The following CNTN4 variants were observed in gnomAD, a reference collection of about 807,000 sequenced individuals.
CNTN4 encodes the protein contactin 4, also known as contactin-4.
A neutral mutation model predicts 122.5 loss-of-function variants in CNTN4; 77 were observed. The ratio of observed to expected loss-of-function variants is 0.63; its 90% CI spans 0.52 to 0.76. The LOEUF is 0.76. Ranked by LOEUF, CNTN4 falls within the 30% of genes least tolerant of loss-of-function variation. The pLI is 0.00. For missense variants in CNTN4, 1,256 were observed against 1,259.1 expected (o/e 1.00, Z 0.04); for synonymous variants, 512 against 447.0 (o/e 1.15, Z -1.83).
rs1366136014 is a variant in CNTN4, at chr3:2,365,401, G to A, written c.-89+26168G>A. On this transcript the variant is annotated intron_variant, in intron 3 of 24. Transcript: ENST00000418658. ...TCCTCAACTTGACTTTCTAATTTCT[G>A]AATGAACATGTTTCCCATTACTTTC... Among the ~76,000 whole-genome samples, 3 of 152,114 alleles carry A rather than the reference G, an allele frequency of 2.0e-5. No individual in the cohort carries two copies. In the East Asian group the frequency reaches 5.8e-4, roughly 29 times the overall value.
chr3:2,171,293 T>G (rs1356794881), intron 2 of CNTN4, among the ~76,000 whole-genome samples: 1 of 152,184 alleles, frequency 6.6e-6, no homozygotes, highest in Non-Finnish European at 1.5e-5. Context: ...TGTATGGACC[T>G]GGAAAAATGC....
chr3:2,132,079 C>G (rs2034477986), intron 2 of CNTN4, among the ~76,000 whole-genome samples: 2 of 152,142 alleles, frequency 1.3e-5, no homozygotes, highest in Admixed American at 6.5e-5. Context: ...GCAGTGTCCA[C>G]CTTATTTTCT....
chr3:2,791,702 T>C (rs991512097), intron 6 of CNTN4, among the ~76,000 whole-genome samples: 6 of 152,172 alleles, frequency 3.9e-5, no homozygotes, highest in Admixed American at 2.6e-4. Context: ...TGTGTTCTTT[T>C]ACGGTTCTAG....
intron 13 of CNTN4, among the ~76,000 whole-genome samples, chr3:2,962,605 C>T (rs1286702969): frequency 6.6e-6 from 1 of 152,102 alleles, no homozygotes; most frequent in East Asian, 1.9e-4. Flanking sequence ...ATCAGGGTGC[C>T]CCTGCTGAGT....
At chr3:2,665,429 A>G (rs1407167319) in intron 4 of CNTN4, among the ~76,000 whole-genome samples, 1 of 152,164 alleles carries the variant, frequency 6.6e-6, no homozygotes, top group East Asian at 1.9e-4. Flanking sequence ...ACAACCCTTT[A>G]TAAATTTTCA....
intron 3 of CNTN4, among the ~76,000 whole-genome samples, chr3:2,345,589 C>T (rs2044370897): frequency 6.6e-6 from 1 of 152,112 alleles, no homozygotes; most frequent in Non-Finnish European, 1.5e-5. Context: ...CATGCCAGAA[C>T]ATGTATTAGG....
intron 2 of CNTN4, among the ~76,000 whole-genome samples, chr3:2,318,722 C>T (rs1438342251): frequency 6.6e-6 from 1 of 152,210 alleles, no homozygotes; most frequent in African/African-American, 2.4e-5. Flanking sequence ...TCACTCCACC[C>T]TCCACCTCCT....
At chr3:2,775,876 T>C (rs2091296064) in intron 6 of CNTN4, among the ~76,000 whole-genome samples, 1 of 152,200 alleles carries the variant, frequency 6.6e-6, no homozygotes. Flanking sequence ...TATAATATAT[T>C]CGGTGCTATA....
chr3:2,549,186 C>G (rs999827102), intron 3 of CNTN4, among the ~76,000 whole-genome samples: 1 of 152,146 alleles, frequency 6.6e-6, no homozygotes, highest in East Asian at 1.9e-4. Flanking sequence ...TTTGAATACT[C>G]TTTATTTCTT....
chr3:2,282,571 G>A (rs549084644), intron 2 of CNTN4, among the ~76,000 whole-genome samples: 1 of 152,174 alleles, frequency 6.6e-6, no homozygotes, highest in South Asian at 2.1e-4. Context: ...AATGATTTAA[G>A]CAAACAAAGC....
At chr3:2,483,097 G>T (rs1013296806) in intron 3 of CNTN4, among the ~76,000 whole-genome samples, 6 of 152,184 alleles carry the variant, frequency 3.9e-5, no homozygotes, top group African/African-American at 1.4e-4. Flanking sequence ...CAGGAGGGGT[G>T]CTATACCCTG....
intron 13 of CNTN4, among the ~76,000 whole-genome samples, chr3:2,950,300 G>T (rs915813090): frequency 6.6e-6 from 1 of 151,532 alleles, no homozygotes; most frequent in Non-Finnish European, 1.5e-5. Flanking sequence ...AACTCAGGTT[G>T]TCTGGCATCT....
chr3:2,584,348 A>C (rs2080082199), intron 4 of CNTN4, among the ~76,000 whole-genome samples: 1 of 152,088 alleles, frequency 6.6e-6, no homozygotes, highest in Non-Finnish European at 1.5e-5. Context: ...CCAGGTATCT[A>C]TTCTTCCAAG....
intron 4 of CNTN4, among the ~76,000 whole-genome samples, chr3:2,606,509 A>T (rs1249995147): frequency 2.0e-5 from 3 of 152,128 alleles, no homozygotes; most frequent in Non-Finnish European, 4.4e-5. Flanking sequence ...AAATAAAATA[A>T]CTCACAGTGA....
At chr3:2,397,926 A>G (rs1054992825) in intron 3 of CNTN4, among the ~76,000 whole-genome samples, 2 of 152,122 alleles carry the variant, frequency 1.3e-5, no homozygotes, top group African/African-American at 2.4e-5. Context: ...ATGGGGTTGA[A>G]TTTGGTCTAA....
At chr3:3,043,435 A>G (rs764349875) in intron 22 of CNTN4, among the ~76,000 whole-genome samples, 157 bp from the exon 23 acceptor site, 1 of 152,166 alleles carries the variant, frequency 6.6e-6, no homozygotes, top group Non-Finnish European at 1.5e-5. Flanking sequence ...TCCATTTGCA[A>G]TGCTGTATCT....
chr3:2,548,899 G>C (rs1030518869), intron 3 of CNTN4, among the ~76,000 whole-genome samples: 1 of 152,072 alleles, frequency 6.6e-6, no homozygotes, highest in African/African-American at 2.4e-5. Context: ...TGCATCCCTT[G>C]TAAGGTGTAT....
At chr3:2,701,361 C>G (rs891552709) in intron 4 of CNTN4, among the ~76,000 whole-genome samples, 42 of 152,212 alleles carry the variant, frequency 2.8e-4, no homozygotes, top group Non-Finnish European at 5.9e-5. Flanking sequence ...AACTTTAGAG[C>G]AGGAGATGAA....
intron 3 of CNTN4, among the ~76,000 whole-genome samples, chr3:2,355,852 T>A (rs952892422): frequency 1.3e-5 from 2 of 152,206 alleles, no homozygotes; most frequent in Non-Finnish European, 2.9e-5. Context: ...CAAAGATTTT[T>A]AAAATACATT....
Sources: gnomAD v4.1 joint callset for allele counts (sites outside exome capture counted in the v4.1 genomes callset) on GRCh38, gnomAD v4.1.1 for gene constraint, MANE v1.5 for transcripts, NCBI Gene and HGNC (gene_info 2026-07-23, HGNC 2026-07-21) for gene names.